TSPAN9: variants seen among roughly 807,000 people sequenced by gnomAD.
TSPAN9 encodes the protein tetraspanin 9.
In TSPAN9, 16 loss-of-function variants were observed where a neutral mutation model predicts 31.0. The observed-to-expected ratio is 0.52, with a 90% CI of 0.35 to 0.78. The LOEUF is 0.78. TSPAN9 is among the 30% of genes least tolerant of loss of function. The pLI, the probability that TSPAN9 is intolerant of heterozygous loss-of-function variation, is 0.01. For synonymous variants in TSPAN9, 145 were observed against 121.6 expected (o/e 1.19, Z -1.27); for missense variants, 272 against 312.5 (o/e 0.87, Z 0.98).
intron 2 of TSPAN9, among the ~76,000 whole-genome samples, chr12:3,118,643 A>T (rs1282663778): frequency 6.6e-6 from 1 of 151,866 alleles, no homozygotes; most frequent in Non-Finnish European, 1.5e-5. Context: ...CATTCCTCTC[A>T]GCTCAGCCCC....
chr12:3,272,730 G>T (rs954164326), intron 3 of TSPAN9, among the ~76,000 whole-genome samples: 2 of 152,216 alleles, frequency 1.3e-5, no homozygotes, highest in Non-Finnish European at 2.9e-5. Context: ...GCTGCCCCTA[G>T]GATCTAAGCA....
intron 2 of TSPAN9, among the ~76,000 whole-genome samples, chr12:3,116,857 C>T (rs1565581498): frequency 6.6e-6 from 1 of 152,162 alleles, no homozygotes; most frequent in African/African-American, 2.4e-5. Flanking sequence ...AACTTCATTT[C>T]TAAACCCCAC....
intron 2 of TSPAN9, among the ~76,000 whole-genome samples, chr12:3,181,649 C>A (rs979673161): frequency 3.3e-5 from 5 of 152,036 alleles, no homozygotes; most frequent in African/African-American, 1.2e-4. Flanking sequence ...GGCTTTATGC[C>A]CCATGAAGCT....
At chr12:3,203,274 G>A (rs1377940259) in intron 3 of TSPAN9, among the ~76,000 whole-genome samples, 1 of 152,154 alleles carries the variant, frequency 6.6e-6, no homozygotes, top group African/African-American at 2.4e-5. Flanking sequence ...TACCCTGCAC[G>A]TTGTAGGCCC....
intron 2 of TSPAN9, among the ~76,000 whole-genome samples, chr12:3,118,689 C>G (rs12308222): frequency 0.17 from 26,581 of 152,128 alleles, 2,479 homozygotes; most frequent in East Asian, 0.33. Flanking sequence ...TTGGCACTCC[C>G]TCCCTGCAGC....
At chr12:3,104,288 C>A (rs1026091276) in intron 2 of TSPAN9, among the ~76,000 whole-genome samples, 2 of 151,680 alleles carry the variant, frequency 1.3e-5, no homozygotes. Flanking sequence ...AAAAGGATTG[C>A]TGTGGCTGCT....
chr12:3,086,774 T>G (rs540104617), intron 2 of TSPAN9, among the ~76,000 whole-genome samples: 1 of 152,304 alleles, frequency 6.6e-6, no homozygotes, highest in South Asian at 2.1e-4. Flanking sequence ...AAATGGCCCT[T>G]CTTCAGGTTA....
chr12:3,219,500 C>A (rs375160707), intron 3 of TSPAN9, among the ~76,000 whole-genome samples: 1 of 152,188 alleles, frequency 6.6e-6, no homozygotes, highest in Non-Finnish European at 1.5e-5. Flanking sequence ...AGGGAGGGCG[C>A]CTTCACCTCC....
intron 2 of TSPAN9, among the ~76,000 whole-genome samples, chr12:3,096,117 C>G (rs902442652): frequency 3.9e-5 from 6 of 152,122 alleles, no homozygotes; most frequent in Non-Finnish European, 8.8e-5. Context: ...TCCCGGCGGT[C>G]GGGCGGCGGC....
intron 3 of TSPAN9, among the ~76,000 whole-genome samples, chr12:3,207,494 G>A (rs1371298092): frequency 1.3e-5 from 2 of 152,078 alleles, no homozygotes; most frequent in South Asian, 2.1e-4. Context: ...AATGGCACAC[G>A]GTCAGGCGGG....
chr12:3,161,813 A>ATCTATCTG (rs1284839899), intron 2 of TSPAN9, among the ~76,000 whole-genome samples: 7 of 128,262 alleles, frequency 5.5e-5, no homozygotes, highest in Non-Finnish European at 1.1e-4. Flanking sequence ...CTATCTATCT[A>ATCTATCTG]TCTGTCTGTC....
chr12:3,196,234 G>A (rs987901373), intron 2 of TSPAN9, among the ~76,000 whole-genome samples: 13 of 152,246 alleles, frequency 8.5e-5, no homozygotes, highest in South Asian at 8.3e-4. Context: ...ATTACGCTGC[G>A]TCTCCCCACA....
At chr12:3,234,317 G>A (rs545965493) in intron 3 of TSPAN9, among the ~76,000 whole-genome samples, 4 of 152,252 alleles carry the variant, frequency 2.6e-5, no homozygotes, top group Admixed American at 1.3e-4. Context: ...ACATGCAGGC[G>A]TCTTACCTTC....
At chr12:3,115,340 CTT>C (rs2098321718) in intron 2 of TSPAN9, among the ~76,000 whole-genome samples, 1 of 152,222 alleles carries the variant, frequency 6.6e-6, no homozygotes, top group Non-Finnish European at 1.5e-5. Context: ...CATTGACTGA[CTT>C]GTGAGTTATT....
At chr12:3,101,009 T>C (rs1591628093) in intron 2 of TSPAN9, among the ~76,000 whole-genome samples, 2 of 152,132 alleles carry the variant, frequency 1.3e-5, no homozygotes, top group East Asian at 1.9e-4. Flanking sequence ...TCCCAGGAGC[T>C]CAGATCACAC....
intron 2 of TSPAN9, among the ~76,000 whole-genome samples, chr12:3,116,468 C>T (rs1436051264): frequency 6.6e-6 from 1 of 152,136 alleles, no homozygotes; most frequent in African/African-American, 2.4e-5. Flanking sequence ...TAATGCACTT[C>T]CTGAGCACTT....
intron 2 of TSPAN9, among the ~76,000 whole-genome samples, chr12:3,098,768 T>G (rs1287510102): frequency 2.0e-5 from 3 of 151,110 alleles, no homozygotes; most frequent in African/African-American, 4.9e-5. Flanking sequence ...TTTTTTTTTT[T>G]GGGATGGAGT....
At chr12:3,209,973 AAAAAAAAAAAAAATT>A (rs1007090645) in intron 3 of TSPAN9, among the ~76,000 whole-genome samples, 5 of 97,532 alleles carry the variant, frequency 5.1e-5, no homozygotes, top group Admixed American at 1.2e-4. Context: ...AAAAAAAAAA[AAAAAAAAAAAAAATT>A]AGCCGGGTGT....
At chr12:3,222,205 G>T (rs1047393688) in intron 3 of TSPAN9, among the ~76,000 whole-genome samples, 1 of 152,174 alleles carries the variant, frequency 6.6e-6, no homozygotes, top group Non-Finnish European at 1.5e-5. Flanking sequence ...TGCAGAAGGG[G>T]GGGACGTGGC....
Sources: gnomAD v4.1 joint callset for allele counts (sites outside exome capture counted in the v4.1 genomes callset) on GRCh38, gnomAD v4.1.1 for gene constraint, MANE v1.5 for transcripts, NCBI Gene and HGNC (gene_info 2026-07-23, HGNC 2026-07-21) for gene names.